The following GOLT1B variants were observed in gnomAD, a reference collection of about 807,000 sequenced individuals.
GOLT1B encodes golgi transport 1B.
A neutral mutation model predicts 15.4 loss-of-function variants in GOLT1B; 3 were observed. That is an observed-to-expected ratio of 0.19 (90% confidence interval 0.09 to 0.50). GOLT1B has a LOEUF of 0.50. Among genes scored for constraint, GOLT1B ranks in the 20% least tolerant of loss-of-function variants. The pLI, the probability that GOLT1B is intolerant of heterozygous loss-of-function variation, is 0.97. For synonymous variants in GOLT1B, 65 were observed against 56.2 expected (o/e 1.16, Z -0.70); for missense variants, 145 against 160.4 (o/e 0.90, Z 0.52).
intron 3 of GOLT1B, among the ~76,000 whole-genome samples, chr12:21,509,787 CAG>C (rs1204930870): frequency 6.6e-6 from 1 of 152,160 alleles, no homozygotes; most frequent in African/African-American, 2.4e-5. Flanking sequence ...AAGGAACAGA[CAG>C]GGCCATAAAA....
At chr12:21,508,087 A>G (rs576755727) in intron 2 of GOLT1B, 3 of 397,532 alleles carry the variant, frequency 7.5e-6, no homozygotes, top group South Asian at 4.2e-5. Context: ...TAGGAAAACT[A>G]CTGCAGACAC....
chr12:21,509,752 C>A (rs1231018356), intron 3 of GOLT1B, among the ~76,000 whole-genome samples: 1 of 151,810 alleles, frequency 6.6e-6, no homozygotes, highest in Non-Finnish European at 1.5e-5. Flanking sequence ...ATCCTATAAA[C>A]GAGAAAGGGA....
intron 2 of GOLT1B, 69 bp downstream of exon 2, chr12:21,507,045 G>T: frequency 1.4e-6 from 1 of 700,922 alleles, no homozygotes; most frequent in Non-Finnish European, 2.6e-6. Flanking sequence ...ATTATTATCT[G>T]CTATTAAATT....
chr12:21,503,616 C>G (rs924270162), intron 1 of GOLT1B, among the ~76,000 whole-genome samples: 2 of 152,180 alleles, frequency 1.3e-5, no homozygotes, highest in Admixed American at 1.3e-4. Flanking sequence ...AAATTTTACT[C>G]TTTGCTGTTC....
At chr12:21,504,119 T>C (rs774963243) in intron 1 of GOLT1B, among the ~76,000 whole-genome samples, 3 of 152,280 alleles carry the variant, frequency 2.0e-5, no homozygotes, top group Admixed American at 1.3e-4. Flanking sequence ...TATGCGTGTC[T>C]TTCCTTATAC....
intron 3 of GOLT1B, among the ~76,000 whole-genome samples, chr12:21,511,640 G>T (rs1943720815): frequency 6.6e-6 from 1 of 152,176 alleles, no homozygotes; most frequent in Admixed American, 6.5e-5. Flanking sequence ...ACATCACCTT[G>T]TAGAGACTCT....
intron 1 of GOLT1B, among the ~76,000 whole-genome samples, chr12:21,503,686 A>T (rs1426693390): frequency 6.6e-6 from 1 of 152,216 alleles, no homozygotes; most frequent in African/African-American, 2.4e-5. Flanking sequence ...AGTGAACCAA[A>T]TGCATTTTGG....
At chr12:21,507,034 A>G in intron 2 of GOLT1B, 58 bp downstream of exon 2, 1 of 724,166 alleles carries the variant, frequency 1.4e-6, no homozygotes, top group Non-Finnish European at 2.5e-6. Flanking sequence ...ACTACGAATG[A>G]ATTATTATCT....
chr12:21,503,406 T>C (rs550551486), intron 1 of GOLT1B, among the ~76,000 whole-genome samples: 6 of 152,334 alleles, frequency 3.9e-5, no homozygotes, highest in East Asian at 1.9e-4. Flanking sequence ...CCTTTTGCAC[T>C]GTACCCCACT....
intron 1 of GOLT1B, among the ~76,000 whole-genome samples, chr12:21,502,523 A>G (rs948650966): frequency 1.3e-5 from 2 of 152,078 alleles, no homozygotes; most frequent in African/African-American, 4.8e-5. Flanking sequence ...TCACTTTTCT[A>G]CCTGCTAAAG....
Position 21,516,341 on chromosome 12 carries a change from T to C in GOLT1B, c.*634T>C, listed in dbSNP as rs1943755626. The C allele has an allele frequency of 2.0e-5, 3 of 152,144 alleles. No individual in the cohort carries two copies. 9.4% of individuals were successfully genotyped at this position (152,144 alleles called of 1,614,324 possible). A position where few individuals can be genotyped will look rare whatever the true frequency, so the allele number is the denominator to read the frequency against. On this transcript the variant is annotated 3_prime_UTR_variant, in exon 5 of 5. Coordinates refer to ENST00000229314, the MANE Select transcript of GOLT1B (RefSeq NM_016072.5). ...GTTGGAATATGCAAAGGTCATTCTT[T>C]ACTAACTTTTAGTTACTAAATTATA... is the stretch of plus-strand genomic sequence containing the variant.
At position 21,506,954 on chromosome 12, in the gene GOLT1B, A is replaced by G. The variant is rs201492982; in HGVS notation, c.95A>G (p.Lys32Arg). Residue 32 changes from lysine (K) to arginine (R), a missense_variant, in exon 2 of 5, where the codon AAA becomes AGA. By Grantham distance (26) the Lys-to-Arg change is conservative. Coordinates refer to ENST00000229314, the MANE Select transcript of GOLT1B (RefSeq NM_016072.5). ...LFFGMILFFD[K>R]ALLAIGNVLF... is the part of the protein sequence containing the mutation. ...TTTGGAATGATTCTCTTTTTTGACA[A>G]AGCACTACTGGCTATTGGAAATGTG... The G allele has an allele frequency of 4.2e-6, 6 of 1,414,526 alleles. No individual in the cohort carries two copies. Among genetic ancestry groups the G allele is most frequent in the East Asian group, 2.3e-5 (1 of 43,504 alleles). The allele number at this position is 1,414,526 out of a possible 1,614,324, so 87.6% of individuals were successfully genotyped here.
intron 1 of GOLT1B, among the ~76,000 whole-genome samples, chr12:21,505,650 A>C (rs1182862938): frequency 6.6e-6 from 1 of 152,214 alleles, no homozygotes; most frequent in African/African-American, 2.4e-5. Flanking sequence ...AGTTATCAGA[A>C]CATTTTATAT....
At chr12:21,515,066 G>A (rs1010963295) in intron 4 of GOLT1B, among the ~76,000 whole-genome samples, 23 of 150,686 alleles carry the variant, frequency 1.5e-4, no homozygotes, top group Admixed American at 1.5e-3. Flanking sequence ...TTACAGTAAT[G>A]TGTGTTAAAA....
At chr12:21,504,314 C>T (rs1433192794) in intron 1 of GOLT1B, among the ~76,000 whole-genome samples, 4 of 152,020 alleles carry the variant, frequency 2.6e-5, no homozygotes, top group Non-Finnish European at 5.9e-5. Flanking sequence ...AGCCAGAGGG[C>T]TTATGAATGC....
intron 1 of GOLT1B, among the ~76,000 whole-genome samples, chr12:21,503,296 C>A (rs1170489256): frequency 1.3e-5 from 2 of 152,156 alleles, no homozygotes; most frequent in Non-Finnish European, 2.9e-5. Flanking sequence ...CAGAAGCATG[C>A]CCCTTTCATA....
At chr12:21,504,114 G>A (rs768035634) in intron 1 of GOLT1B, among the ~76,000 whole-genome samples, 4 of 152,332 alleles carry the variant, frequency 2.6e-5, no homozygotes, top group South Asian at 4.1e-4. Flanking sequence ...TAGATTATGC[G>A]TGTCTTTCCT....
At chr12:21,511,065 C>T (rs925914397) in intron 3 of GOLT1B, among the ~76,000 whole-genome samples, 1 of 152,160 alleles carries the variant, frequency 6.6e-6, no homozygotes, top group Non-Finnish European at 1.5e-5. Context: ...AGCTCCAGAT[C>T]ACACAGGTTG....
Position 21,508,383 on chromosome 12 carries a change from G to A in GOLT1B, c.118G>A (p.Val40Ile), listed in dbSNP as rs200318646. 1 of 1,534,662 alleles carries A rather than the reference G, an allele frequency of 6.5e-7. No homozygotes were observed. Among genetic ancestry groups the A allele is most frequent in the African/African-American group, 1.4e-5 (1 of 71,296 alleles). ...GTGTTGTATTTTCTTTCTCTTTTAGGTTTTATTTGTAGCCGGCTTGGCTTT... is the reference window on the plus strand; with the variant it reads ...GTGTTGTATTTTCTTTCTCTTTTAGATTTTATTTGTAGCCGGCTTGGCTTT... The part of the protein sequence containing the change: ...FDKALLAIGN[V>I]LFVAGLAFVI... Residue 40 changes from valine (V) to isoleucine (I), a missense_variant and splice_region_variant, in exon 3 of 5, where the codon GTT (valine) becomes ATT (isoleucine). By Grantham distance (29) the Val-to-Ile change is conservative. Coordinates refer to ENST00000229314, the MANE Select transcript of GOLT1B (RefSeq NM_016072.5).
Sources: gnomAD v4.1 joint callset for allele counts (sites outside exome capture counted in the v4.1 genomes callset) on GRCh38, gnomAD v4.1.1 for gene constraint, MANE v1.5 for transcripts, NCBI Gene and HGNC (gene_info 2026-07-23, HGNC 2026-07-21) for gene names.